The following NKAIN2 variants were observed in gnomAD, a reference collection of about 807,000 sequenced individuals.
NKAIN2 encodes the protein sodium/potassium-transporting ATPase subunit beta-1-interacting protein 2.
Under a neutral mutation model 32.6 loss-of-function variants are expected in NKAIN2, and 14 were observed. The ratio of observed to expected loss-of-function variants is 0.43; its 90% confidence interval spans 0.28 to 0.67. NKAIN2 has a LOEUF of 0.67. NKAIN2 is among the 30% of genes least tolerant of loss of function. NKAIN2 has a pLI of 0.17. For missense variants in NKAIN2, 198 were observed against 258.3 expected (o/e 0.77, Z 1.60); for synonymous variants, 80 against 87.2 (o/e 0.92, Z 0.46).
chr6:124,723,567 G>C (rs755703691), intron 4 of NKAIN2, among the ~76,000 whole-genome samples: 3 of 152,174 alleles, frequency 2.0e-5, no homozygotes, highest in Non-Finnish European at 4.4e-5. Flanking sequence ...CAGTGCCTTA[G>C]ACCTTAGCTA....
At chr6:124,793,931 G>C (rs1410885000) in intron 5 of NKAIN2, among the ~76,000 whole-genome samples, 2 of 152,164 alleles carry the variant, frequency 1.3e-5, no homozygotes, top group Non-Finnish European at 2.9e-5. Flanking sequence ...TGCCCCACAT[G>C]GGAAGGAGTG....
chr6:124,388,465 C>G (rs990447196), intron 3 of NKAIN2, among the ~76,000 whole-genome samples: 20 of 151,910 alleles, frequency 1.3e-4, no homozygotes, highest in African/African-American at 4.8e-4. Context: ...CCCATGTGCC[C>G]CACTTTGAAA....
intron 1 of NKAIN2, among the ~76,000 whole-genome samples, chr6:124,124,824 C>T (rs1786080385): frequency 6.6e-6 from 1 of 152,108 alleles, no homozygotes; most frequent in South Asian, 2.1e-4. Context: ...CTGAACTGTT[C>T]ATCATTGTGT....
At chr6:124,034,958 G>A (rs1781548504) in intron 1 of NKAIN2, among the ~76,000 whole-genome samples, 1 of 151,966 alleles carries the variant, frequency 6.6e-6, no homozygotes. Context: ...TTGTTTAGAA[G>A]GAGGCTTGGG....
chr6:124,589,621 A>T (rs1388196654), intron 3 of NKAIN2, among the ~76,000 whole-genome samples: 1 of 152,246 alleles, frequency 6.6e-6, no homozygotes, highest in East Asian at 1.9e-4. Context: ...GTGGGCGAGA[A>T]GAAATTACAT....
At chr6:124,015,607 A>C (rs1004467179) in intron 1 of NKAIN2, among the ~76,000 whole-genome samples, 2 of 152,172 alleles carry the variant, frequency 1.3e-5, no homozygotes, top group African/African-American at 4.8e-5. Context: ...AGGTGCTTCA[A>C]AGCCGTTCTG....
chr6:123,853,924 C>T (rs1037838317), intron 1 of NKAIN2, among the ~76,000 whole-genome samples: 1 of 152,030 alleles, frequency 6.6e-6, no homozygotes, highest in Non-Finnish European at 1.5e-5. Flanking sequence ...AGGTGCCCAC[C>T]ACCACACCCG....
intron 1 of NKAIN2, among the ~76,000 whole-genome samples, chr6:124,021,605 T>G (rs1223151721): frequency 2.6e-5 from 4 of 152,006 alleles, no homozygotes; most frequent in Admixed American, 2.6e-4. Flanking sequence ...ACCTTACATT[T>G]TTATATCTCT....
chr6:124,413,638 G>A (rs1774325034), intron 3 of NKAIN2, among the ~76,000 whole-genome samples: 2 of 152,058 alleles, frequency 1.3e-5, no homozygotes. Context: ...TAAAGTTTGG[G>A]GGAACTGACA....
intron 5 of NKAIN2, among the ~76,000 whole-genome samples, chr6:124,801,383 A>G (rs1780248214): frequency 6.6e-6 from 1 of 152,200 alleles, no homozygotes; most frequent in Admixed American, 6.5e-5. Flanking sequence ...GTGGTCACCT[A>G]CTGTAATCCC....
chr6:124,659,747 C>T (rs1273495641), intron 4 of NKAIN2, among the ~76,000 whole-genome samples: 2 of 151,872 alleles, frequency 1.3e-5, no homozygotes, highest in Non-Finnish European at 2.9e-5. Flanking sequence ...CATGCTTCTG[C>T]TTGGGAGGAA....
chr6:124,475,678 T>C (rs1189388853), intron 3 of NKAIN2, among the ~76,000 whole-genome samples: 1 of 152,154 alleles, frequency 6.6e-6, no homozygotes, highest in Non-Finnish European at 1.5e-5. Context: ...TGCATATTAA[T>C]AATGACAGGT....
intron 3 of NKAIN2, among the ~76,000 whole-genome samples, chr6:124,570,160 G>A (rs1562262140): frequency 6.6e-6 from 1 of 152,180 alleles, no homozygotes; most frequent in African/African-American, 2.4e-5. Flanking sequence ...TTTCTAAGCA[G>A]CAAAGCATTC....
At chr6:124,448,087 G>A (rs62437462) in intron 3 of NKAIN2, among the ~76,000 whole-genome samples, 6,962 of 152,170 alleles carry the variant, frequency 0.046, 274 homozygotes, top group Non-Finnish European at 0.066. Flanking sequence ...TTCAGGCTCT[G>A]CTGTTTGTCA....
chr6:124,295,793 C>G (rs550019657), intron 2 of NKAIN2, among the ~76,000 whole-genome samples: 1 of 152,114 alleles, frequency 6.6e-6, no homozygotes, highest in South Asian at 2.1e-4. Flanking sequence ...CTATAATGCT[C>G]CTGGAAATGT....
At chr6:124,359,537 G>T (rs1799167161) in intron 3 of NKAIN2, among the ~76,000 whole-genome samples, 1 of 152,060 alleles carries the variant, frequency 6.6e-6, no homozygotes, top group Non-Finnish European at 1.5e-5. Flanking sequence ...TGAAGCAATT[G>T]TGAATGGGAG....
intron 4 of NKAIN2, among the ~76,000 whole-genome samples, chr6:124,716,008 A>T (rs2114618344): frequency 6.6e-6 from 1 of 152,316 alleles, no homozygotes; most frequent in African/African-American, 2.4e-5. Flanking sequence ...AGCTTGATAA[A>T]GCTTATTTTT....
intron 3 of NKAIN2, among the ~76,000 whole-genome samples, chr6:124,547,347 T>G (rs1256899428): frequency 6.6e-6 from 1 of 152,224 alleles, no homozygotes; most frequent in Non-Finnish European, 1.5e-5. Context: ...AGCATTCTAT[T>G]GTTTTTTGAT....
At chr6:124,329,022 G>T (rs2115044787) in intron 2 of NKAIN2, among the ~76,000 whole-genome samples, 1 of 152,286 alleles carries the variant, frequency 6.6e-6, no homozygotes, top group Non-Finnish European at 1.5e-5. Context: ...AGATTAGAGA[G>T]TAAAACCACA....
Sources: gnomAD v4.1 joint callset for allele counts (sites outside exome capture counted in the v4.1 genomes callset) on GRCh38, gnomAD v4.1.1 for gene constraint, MANE v1.5 for transcripts, NCBI Gene and HGNC (gene_info 2026-07-23, HGNC 2026-07-21) for gene names.